Variants in COG5 observed in about 807,000 individuals in gnomAD.
COG5 encodes the protein conserved oligomeric Golgi complex subunit 5.
Under a neutral mutation model 110.4 loss-of-function variants are expected in COG5, and 86 were observed. That is an observed-to-expected ratio of 0.78 (90% CI 0.65 to 0.93). The LOEUF (loss-of-function observed/expected upper bound fraction) is 0.93. Ranked by LOEUF, COG5 falls within the 40% of genes least tolerant of loss-of-function variation. The probability of loss-of-function intolerance (pLI) is 0.00; values close to 1 mark genes in which losing one functional copy is unlikely to be tolerated. For synonymous variants in COG5, 360 were observed against 334.6 expected (o/e 1.08, Z -0.83); for missense variants, 1,077 against 987.0 (o/e 1.09, Z -1.22).
At chr7:107,363,474 T>G (rs558960043) in intron 8 of COG5, among the ~76,000 whole-genome samples, 3 of 152,064 alleles carry the variant, frequency 2.0e-5, no homozygotes, top group Admixed American at 2.0e-4. Context: ...AAACAATGAT[T>G]AAAAAATAAT....
At chr7:107,317,669 T>C (rs979711561) in intron 11 of COG5, among the ~76,000 whole-genome samples, 1 of 152,238 alleles carries the variant, frequency 6.6e-6, no homozygotes, top group Non-Finnish European at 1.5e-5. Context: ...TATCTGATAC[T>C]ATCAGTATTA....
At chr7:107,331,959 G>A (rs558945930) in intron 10 of COG5, among the ~76,000 whole-genome samples, 3 of 150,674 alleles carry the variant, frequency 2.0e-5, no homozygotes, top group Admixed American at 1.3e-4. Context: ...AATGATTCCC[G>A]TGCCTCAGCC....
At chr7:107,485,751 CA>C (rs1450335117) in intron 6 of COG5, among the ~76,000 whole-genome samples, 1 of 152,096 alleles carries the variant, frequency 6.6e-6, no homozygotes, top group Non-Finnish European at 1.5e-5. Context: ...TTTCATAAAA[CA>C]TTGGGGTTGT....
chr7:107,440,036 G>A (rs1332721562), intron 6 of COG5, among the ~76,000 whole-genome samples: 1 of 152,146 alleles, frequency 6.6e-6, no homozygotes, highest in Non-Finnish European at 1.5e-5. Flanking sequence ...ACTGGGTAGT[G>A]GAAAGGTAGG....
At chr7:107,237,373 A>T (rs1801279794) in intron 17 of COG5, among the ~76,000 whole-genome samples, 1 of 152,236 alleles carries the variant, frequency 6.6e-6, no homozygotes, top group Non-Finnish European at 1.5e-5. Flanking sequence ...AAAGAATGTG[A>T]AATATTTATA....
intron 7 of COG5, among the ~76,000 whole-genome samples, chr7:107,378,707 A>T (rs148820438): frequency 6.6e-6 from 1 of 152,360 alleles, no homozygotes; most frequent in African/African-American, 2.4e-5. Context: ...AAATAAAGCA[A>T]GAAGACAAGA....
chr7:107,408,253 A>G (rs2129064515), intron 7 of COG5, among the ~76,000 whole-genome samples: 1 of 152,350 alleles, frequency 6.6e-6, no homozygotes, highest in African/African-American at 2.4e-5. Context: ...TTCAGTAGTT[A>G]TAACTGAAAC....
chr7:107,319,864 G>A (rs1318275918), intron 11 of COG5, among the ~76,000 whole-genome samples: 3 of 152,126 alleles, frequency 2.0e-5, no homozygotes, highest in Non-Finnish European at 4.4e-5. Flanking sequence ...AGAAGGCCAT[G>A]GCAGCAGGGT....
chr7:107,367,992 A>G (rs759036303), intron 8 of COG5, among the ~76,000 whole-genome samples: 3 of 152,176 alleles, frequency 2.0e-5, no homozygotes, highest in East Asian at 1.9e-4. Context: ...TAATTTAAAA[A>G]TAGAATAAAA....
intron 7 of COG5, among the ~76,000 whole-genome samples, chr7:107,408,549 T>A (rs866158693): frequency 6.6e-6 from 1 of 152,238 alleles, no homozygotes; most frequent in Admixed American, 6.5e-5. Context: ...GGTCCAGATA[T>A]GACTAATGTT....
intron 10 of COG5, among the ~76,000 whole-genome samples, chr7:107,357,906 A>C (rs1479508060): frequency 6.6e-6 from 1 of 152,260 alleles, no homozygotes; most frequent in Middle Eastern, 3.4e-3. Context: ...TGGCATCAAA[A>C]GATTCTCTCA....
chr7:107,327,039 G>GA (rs1450355505), intron 10 of COG5, among the ~76,000 whole-genome samples: 1 of 151,750 alleles, frequency 6.6e-6, no homozygotes, highest in South Asian at 2.1e-4. Flanking sequence ...CATCCAAATG[G>GA]AAAAAACCAT....
intron 6 of COG5, among the ~76,000 whole-genome samples, chr7:107,482,700 A>G (rs1349603208): frequency 6.6e-6 from 1 of 151,934 alleles, no homozygotes; most frequent in African/African-American, 2.4e-5. Flanking sequence ...TCTAAGAAAT[A>G]TAATGTTGTT....
intron 11 of COG5, among the ~76,000 whole-genome samples, chr7:107,298,623 A>T (rs1239885426): frequency 1.3e-5 from 2 of 152,176 alleles, no homozygotes; most frequent in African/African-American, 2.4e-5. Flanking sequence ...TTTTTCAAGA[A>T]TCAAGAAAAT....
chr7:107,333,741 A>G (rs1258549836), intron 10 of COG5, among the ~76,000 whole-genome samples: 1 of 152,122 alleles, frequency 6.6e-6, no homozygotes, highest in Non-Finnish European at 1.5e-5. Context: ...TTTTTGGAGG[A>G]GCAATAGAGA....
intron 6 of COG5, among the ~76,000 whole-genome samples, chr7:107,517,256 T>C (rs1466560242): frequency 6.6e-6 from 1 of 151,510 alleles, no homozygotes; most frequent in Non-Finnish European, 1.5e-5. Context: ...AGTCTGAAGA[T>C]CACCTTGCTG....
chr7:107,356,594 C>T (rs141558682), intron 10 of COG5, among the ~76,000 whole-genome samples: 4 of 151,670 alleles, frequency 2.6e-5, no homozygotes, highest in Non-Finnish European at 4.4e-5. Context: ...TCAAAGGCAG[C>T]TTTTGAATAA....
In COG5 at chr7:107,501,189, C is replaced by A. The variant is rs957228867; in HGVS notation, c.538+26048G>T. ...ATAGAATAAGCCTGTAGTTCTGAGG[C>A]ACTTTGTTTAGATTAAGACACATTT... On this transcript the variant is annotated intron_variant, in intron 6 of 21. Transcript: ENST00000297135. 7.2e-5 allele frequency among the ~76,000 whole-genome samples: 11 copies of A among 151,930 alleles called. No individual in the cohort carries two copies. In the East Asian group the frequency reaches 2.1e-3, roughly 29 times the overall value.
At chr7:107,234,018 G>C (rs1238590491) in intron 18 of COG5, among the ~76,000 whole-genome samples, 1 of 152,164 alleles carries the variant, frequency 6.6e-6, no homozygotes, top group East Asian at 1.9e-4. Flanking sequence ...CAAAGATAAT[G>C]ATCACAGATA....
Sources: allele counts gnomAD v4.1 joint callset (sites outside exome capture counted in the v4.1 genomes callset), GRCh38; gene constraint gnomAD v4.1.1; transcripts MANE v1.5; gene names NCBI Gene and HGNC (gene_info 2026-07-23, HGNC 2026-07-21).